Variants in IQSEC1 observed in about 807,000 individuals in gnomAD.
The protein encoded by IQSEC1 is IQ motif and SEC7 domain-containing protein 1.
Under a neutral mutation model 91.0 loss-of-function variants are expected in IQSEC1, and 31 were observed. The ratio of observed to expected loss-of-function variants is 0.34; its 90% confidence interval spans 0.26 to 0.46. The LOEUF (loss-of-function observed/expected upper bound fraction) is 0.46. Among genes scored for constraint, IQSEC1 ranks in the 20% least tolerant of loss-of-function variants. The pLI is 1.00. For missense variants in IQSEC1, 1,388 were observed against 1,575.6 expected (o/e 0.88, Z 2.02); for synonymous variants, 699 against 662.6 (o/e 1.05, Z -0.84).
Position 12,911,703 on chromosome 3 carries a change from T to G in IQSEC1, c.2342A>C (p.Lys781Thr), listed in dbSNP as rs771973106. The G allele has an allele frequency of 3.7e-6, 6 of 1,613,336 alleles. No homozygotes were observed. Among genetic ancestry groups the G allele is most frequent in the Non-Finnish European group, 5.1e-6 (6 of 1,179,922 alleles). The change falls in exon 10 of 14, where the codon AAG (lysine) becomes ACG (threonine). Residue 781 changes from lysine (K) to threonine (T), a missense_variant. Lys to Thr is a moderately conservative substitution (Grantham distance 78). Transcript: ENST00000613206. ...LVVTKIFQKKKNSVTYSFRQS... is the reference protein window; with the variant it reads ...LVVTKIFQKKTNSVTYSFRQS... ...TCGGAAGCTGTACGTCACCGAGTTCTTCTTCTTCTGGAAGATCTTGGTGAC... is the reference window on the plus strand; with the variant it reads ...TCGGAAGCTGTACGTCACCGAGTTCGTCTTCTTCTGGAAGATCTTGGTGAC...
intron 2 of IQSEC1, among the ~76,000 whole-genome samples, chr3:13,146,675 A>T (rs905308630): frequency 2.0e-5 from 3 of 152,234 alleles, no homozygotes; most frequent in African/African-American, 2.4e-5. Flanking sequence ...CTCCGTGTCT[A>T]CTAAAAATAC....
chr3:12,900,652 T>TA lies in IQSEC1; in HGVS notation c.*330dup. ...GTTGGGTTTTCATATGCATGTACAT[T>TA]AGGGCACAGGGAGCTGAGAGCTGGA... On this transcript the variant is annotated 3_prime_UTR_variant, in exon 14 of 14. Transcript: ENST00000613206. 8.1e-7 allele frequency: 1 copy of TA among 1,233,088 alleles called. No homozygotes were observed. The highest frequency in any genetic ancestry group is 4.1e-5 in the Admixed American group (1 of 24,264). The allele number at this position is 1,233,088 out of a possible 1,614,324, so 76.4% of individuals were successfully genotyped here. A position where few individuals can be genotyped will look rare whatever the true frequency, so the allele number is the denominator to read the frequency against.
At chr3:13,015,293 C>G (rs540773146) in intron 1 of IQSEC1, among the ~76,000 whole-genome samples, 1 of 152,274 alleles carries the variant, frequency 6.6e-6, no homozygotes, top group African/African-American at 2.4e-5. Context: ...GGCCCTGGTT[C>G]TCAACCCTAA....
intron 1 of IQSEC1, among the ~76,000 whole-genome samples, chr3:13,038,274 A>G (rs867847398): frequency 0.062 from 7,275 of 118,214 alleles, 224 homozygotes; most frequent in Middle Eastern, 0.17. Flanking sequence ...ATATATATAT[A>G]TATATATATA....
intron 2 of IQSEC1, among the ~76,000 whole-genome samples, chr3:13,141,021 C>T (rs952781590): frequency 2.6e-5 from 4 of 152,326 alleles, no homozygotes; most frequent in African/African-American, 7.2e-5. Flanking sequence ...GGCACCACGA[C>T]GAAGGGCACT....
Position 12,899,546 on chromosome 3 carries a change from AGTCAT to A in IQSEC1, c.*1432_*1436del, listed in dbSNP as rs1694009886. 2.0e-6 allele frequency: 3 copies of A among 1,509,630 alleles called. No individual in the cohort carries two copies. Among genetic ancestry groups the A allele is most frequent in the Middle Eastern group, 1.7e-4 (1 of 5,812 alleles). The allele number at this position is 1,509,630 out of a possible 1,614,324, so 93.5% of individuals were successfully genotyped here. On this transcript the variant is annotated 3_prime_UTR_variant, in exon 14 of 14. Transcript: ENST00000613206. ...CAGAAGCGACAAGAGCACAGCTGAG[AGTCAT>A]GTGATGCCCTGGCAGCTCACTGGAC...
chr3:13,102,557 G>A (rs1576250955), intron 2 of IQSEC1, among the ~76,000 whole-genome samples: 1 of 152,308 alleles, frequency 6.6e-6, no homozygotes, highest in African/African-American at 2.4e-5. Context: ...GAGGAAAGGA[G>A]CAGGTGTGAG....
intron 1 of IQSEC1, among the ~76,000 whole-genome samples, chr3:13,053,379 A>G (rs1704763169): frequency 6.6e-6 from 1 of 152,222 alleles, no homozygotes; most frequent in South Asian, 2.1e-4. Flanking sequence ...AAAAGAACCC[A>G]TTCGCTGCTG....
At position 12,925,032 on chromosome 3, in the gene IQSEC1, T is replaced by C. The variant is rs76337556; in HGVS notation, c.1569-290A>G. On this transcript the variant is annotated intron_variant, in intron 3 of 13. Transcript: ENST00000613206. ...CCTTCACCTAGACTCACCCAGACCT[T>C]GTACAAAGAATGGGCTGGGCTGGCT... Among the ~76,000 whole-genome samples, 1,215 of 152,156 alleles carry C rather than the reference T, an allele frequency of 8.0e-3. 21 individuals are homozygous for C. The highest frequency in any genetic ancestry group is 0.028 in the African/African-American group (1,167 of 41,496).
At chr3:13,268,267 T>C (rs2125140416) in intron 1 of IQSEC1, among the ~76,000 whole-genome samples, 1 of 152,312 alleles carries the variant, frequency 6.6e-6, no homozygotes, top group African/African-American at 2.4e-5. Context: ...TCCTTGCCAT[T>C]TACTAGCTGT....
rs780035266 is a variant in IQSEC1, at chr3:12,909,285, G to A, written c.2566C>T (p.His856Tyr). 2 of 1,614,190 alleles carry A rather than the reference G, an allele frequency of 1.2e-6. No homozygotes were observed. Among genetic ancestry groups the A allele is most frequent in the South Asian group, 2.2e-5 (2 of 91,088 alleles). The change falls in exon 11 of 14, where the codon CAC (histidine) becomes TAC (tyrosine). Residue 856 changes from histidine (H) to tyrosine (Y), a missense_variant. By Grantham distance (83) the His-to-Tyr change is moderately conservative. Transcript: ENST00000613206. This position sits in a 1 kb window ranked among gnomAD's most constrained non-coding sequence, Gnocchi z 4.9. ...SIAEVQEMEKHRIESELEKQK... is the reference protein window; with the variant it reads ...SIAEVQEMEKYRIESELEKQK... ...GCCTGGTACTCACACTCTATCCTGTGCTTCTCCATCTCTTGGACTTCCGCA... is the reference window on the plus strand; with the variant it reads ...GCCTGGTACTCACACTCTATCCTGTACTTCTCCATCTCTTGGACTTCCGCA...
chr3:13,211,748 C>A lies in IQSEC1; in HGVS notation c.273-47615G>T, dbSNP rs1354224964. ...CAGCCTCCAGGCCTTTGCCCTGGAA[C>A]TTCCCTCTTCCTGGAAGGCCCTCTC... On this transcript the variant is annotated intron_variant, in intron 1 of 15. Coordinates refer to the IQSEC1 transcript ENST00000648114. The surrounding 1 kb of genome is among the most constrained non-coding windows in gnomAD (Gnocchi z 5.3). Among the ~76,000 whole-genome samples the A allele has an allele frequency of 6.6e-6, 1 of 152,114 alleles. No individual in the cohort carries two copies. Among genetic ancestry groups the A allele is most frequent in the Non-Finnish European group, 1.5e-5 (1 of 67,996 alleles).
At chr3:12,925,806 T>C (rs1697074252) in intron 3 of IQSEC1, among the ~76,000 whole-genome samples, 1 of 152,216 alleles carries the variant, frequency 6.6e-6, no homozygotes, top group Admixed American at 6.5e-5. Flanking sequence ...GGTCTGCACC[T>C]GGCCAGGTGT....
intron 2 of IQSEC1, among the ~76,000 whole-genome samples, chr3:13,105,258 A>G (rs968500797): frequency 2.0e-5 from 3 of 151,950 alleles, no homozygotes; most frequent in Non-Finnish European, 4.4e-5. Context: ...CCTCCCCTCC[A>G]GGGGACTCTA....
intron 2 of IQSEC1, among the ~76,000 whole-genome samples, chr3:13,100,869 T>C (rs1280004340): frequency 2.0e-5 from 3 of 148,664 alleles, no homozygotes; most frequent in East Asian, 3.9e-4. Context: ...CAAAGGATGC[T>C]TTGAAAGGCC....
chr3:12,956,549 T>C (rs957864336), intron 1 of IQSEC1, among the ~76,000 whole-genome samples: 2 of 152,224 alleles, frequency 1.3e-5, no homozygotes, highest in African/African-American at 4.8e-5. Flanking sequence ...GACGCCCTCG[T>C]TCCTAAGTTT....
At chr3:12,921,131 C>T (rs760053227) in intron 5 of IQSEC1, among the ~76,000 whole-genome samples, 132 of 152,162 alleles carry the variant, frequency 8.7e-4, no homozygotes, top group Middle Eastern at 6.8e-3. Context: ...GGAGTCAGCC[C>T]GCTTGCCACT....
chr3:12,962,247 G>A (rs1207240142), intron 1 of IQSEC1, among the ~76,000 whole-genome samples: 1 of 152,166 alleles, frequency 6.6e-6, no homozygotes, highest in Non-Finnish European at 1.5e-5. Flanking sequence ...CATCTACCGG[G>A]CCCTTGCTAT....
At chr3:13,084,914 T>C (rs1046605472) in intron 2 of IQSEC1, among the ~76,000 whole-genome samples, 4 of 118,832 alleles carry the variant, frequency 3.4e-5, no homozygotes, top group Non-Finnish European at 4.9e-5. Context: ...AGGGAGTGTA[T>C]GGGATGCAAA....
Sources: gnomAD v4.1 joint callset for allele counts (sites outside exome capture counted in the v4.1 genomes callset) on GRCh38, gnomAD v4.1.1 for gene constraint, Gnocchi (gnomAD v3.1) non-coding constraint, MANE v1.5 for transcripts, NCBI Gene and HGNC (gene_info 2026-07-23, HGNC 2026-07-21) for gene names.